CIBAR1: variants seen among roughly 807,000 people sequenced by gnomAD.
CIBAR1 encodes CBY1-interacting BAR domain-containing protein 1.
A neutral mutation model predicts 44.0 loss-of-function variants in CIBAR1; 25 were observed. That is an observed-to-expected ratio of 0.57 (90% CI 0.41 to 0.79). CIBAR1 has a LOEUF of 0.79. Ranked by LOEUF, CIBAR1 falls within the 30% of genes least tolerant of loss-of-function variation. The pLI, the probability that CIBAR1 is intolerant of heterozygous loss-of-function variation, is 0.00. For missense variants in CIBAR1, 278 were observed against 344.8 expected (o/e 0.81, Z 1.53); for synonymous variants, 115 against 119.0 (o/e 0.97, Z 0.22).
At chr8:93,716,784 A>G (rs1407458774) in intron 6 of CIBAR1, among the ~76,000 whole-genome samples, 1 of 152,194 alleles carries the variant, frequency 6.6e-6, no homozygotes, top group East Asian at 1.9e-4. Context: ...TAAACATTAA[A>G]TATTTAGCTG....
intron 7 of CIBAR1, among the ~76,000 whole-genome samples, chr8:93,722,424 C>T (rs554363100): frequency 2.6e-5 from 4 of 152,264 alleles, no homozygotes; most frequent in South Asian, 2.1e-4. Flanking sequence ...GTCAGCTGGG[C>T]GCGGTGGCTC....
chr8:93,718,552 C>A, intron 6 of CIBAR1, 123 bp from the exon 7 acceptor site: 1 of 500,094 alleles, frequency 2.0e-6, no homozygotes, highest in Non-Finnish European at 3.4e-6. Context: ...CTTTATTTAC[C>A]CTATAGAAAA....
At chr8:93,700,723 G>A (rs1810304621) in intron 1 of CIBAR1, 50 bp downstream of exon 1, 4 of 1,469,072 alleles carry the variant, frequency 2.7e-6, no homozygotes, top group Non-Finnish European at 3.6e-6. Context: ...GGAGGGCTGG[G>A]GTGAGGGAAG....
At chr8:93,714,411 A>G (rs1216898792) in intron 6 of CIBAR1, among the ~76,000 whole-genome samples, 1 of 152,192 alleles carries the variant, frequency 6.6e-6, no homozygotes, top group African/African-American at 2.4e-5. Flanking sequence ...ACAACCTACA[A>G]TTTAAATGCA....
intron 7 of CIBAR1, among the ~76,000 whole-genome samples, chr8:93,724,263 T>C (rs1268471872): frequency 2.0e-5 from 3 of 152,114 alleles, no homozygotes; most frequent in Admixed American, 2.0e-4. Flanking sequence ...AAAAGTAAGC[T>C]GTGAAGGGTA....
At chr8:93,720,402 A>G (rs1209152896) in intron 7 of CIBAR1, among the ~76,000 whole-genome samples, 1 of 152,222 alleles carries the variant, frequency 6.6e-6, no homozygotes, top group Non-Finnish European at 1.5e-5. Flanking sequence ...AAGAAAGTAC[A>G]TATTACAGTA....
chr8:93,726,656 A>G, intron 8 of CIBAR1, 143 bp downstream of exon 8: 1 of 906,998 alleles, frequency 1.1e-6, no homozygotes. Context: ...AAATGACAGA[A>G]GATTGCATTA....
intron 7 of CIBAR1, chr8:93,724,438 C>T (rs1318225170): frequency 2.2e-6 from 1 of 445,532 alleles, no homozygotes; most frequent in African/African-American, 2.0e-5. Context: ...GATCCTCCCA[C>T]CTCAGCCTCC....
chr8:93,728,342 T>C lies in CIBAR1; in HGVS notation c.*45T>C. The C allele has an allele frequency of 7.8e-7, 1 of 1,276,654 alleles. No individual in the cohort carries two copies. The highest frequency in any genetic ancestry group is 1.1e-6 in the Non-Finnish European group (1 of 900,704). 79.1% of individuals were successfully genotyped at this position (1,276,654 alleles called of 1,614,324 possible). Reference sequence around the variant, plus strand: ...ATCATAAATGACTTGAAATCCACAATGACTAAATTGTAGAACTTTATACTC... The same window carrying C: ...ATCATAAATGACTTGAAATCCACAACGACTAAATTGTAGAACTTTATACTC... On this transcript the variant is annotated 3_prime_UTR_variant, in exon 9 of 9. Transcript: ENST00000518322.
intron 2 of CIBAR1, 22 bp downstream of exon 2, chr8:93,701,480 T>C: frequency 3.1e-6 from 5 of 1,596,494 alleles, no homozygotes; most frequent in Non-Finnish European, 4.3e-6. Context: ...GATCACAGTG[T>C]CATTGTTATG....
chr8:93,729,271 CT>C lies in CIBAR1; in HGVS notation c.*975del, dbSNP rs1811691317. 1 of 152,076 alleles carries C rather than the reference CT, an allele frequency of 6.6e-6. No homozygotes were observed. Among genetic ancestry groups the C allele is most frequent in the East Asian group, 1.9e-4 (1 of 5,192 alleles). 9.4% of individuals were successfully genotyped at this position (152,076 alleles called of 1,614,324 possible). On this transcript the variant is annotated 3_prime_UTR_variant, in exon 9 of 9. Transcript: ENST00000518322. ...GCTTCTGACTTTGTCAATCATGGCT[CT>C]GTTCTTAACAAAGCACTCCTTCCTG...
At position 93,701,282 on chromosome 8, in the gene CIBAR1, G is replaced by T; in HGVS notation, c.85G>T (p.Glu29Ter). 6.2e-7 allele frequency: 1 copy of T among 1,613,816 alleles called. No homozygotes were observed. ...AVSNVEKHFGELCQIFAAYVR... is the reference protein window; with the variant it reads ...AVSNVEKHFG Reference sequence around the variant, plus strand: ...CTCAAATGTGGAGAAGCATTTTGGAGAACTGTGCCAAATCTTCGCTGCCTA... The same window carrying T: ...CTCAAATGTGGAGAAGCATTTTGGATAACTGTGCCAAATCTTCGCTGCCTA... Residue 29 changes from glutamate (E) to a stop codon, truncating the protein, a stop_gained, in exon 2 of 9, where the codon GAA becomes TAA. Transcript: ENST00000518322. LOFTEE classifies it high-confidence loss of function.
At chr8:93,714,949 A>G (rs2130339197) in intron 6 of CIBAR1, among the ~76,000 whole-genome samples, 1 of 152,322 alleles carries the variant, frequency 6.6e-6, no homozygotes, top group African/African-American at 2.4e-5. Flanking sequence ...TTATCAGGCT[A>G]CTGCTTCTGA....
chr8:93,713,604 A>G (rs188744079), intron 6 of CIBAR1, among the ~76,000 whole-genome samples: 19 of 152,302 alleles, frequency 1.2e-4, no homozygotes, highest in South Asian at 4.1e-4. Flanking sequence ...TCTCTTAACA[A>G]TTTTATAGTT....
rs139906444 is a variant in CIBAR1, at chr8:93,714,953, C to T, written c.544-3722C>T. Among the ~76,000 whole-genome samples the T allele has an allele frequency of 4.5e-3, 690 of 152,322 alleles. 9 individuals are homozygous for T. The highest frequency in any genetic ancestry group is 0.015 in the African/African-American group (638 of 41,570). On this transcript the variant is annotated intron_variant, in intron 6 of 8. Transcript: ENST00000518322. ...ATTCTTACCTGTTATCAGGCTACTG[C>T]TTCTGATAAGGGCAGAGTTTGTGGC...
intron 2 of CIBAR1, 34 bp from the exon 3 acceptor site, chr8:93,703,586 C>T (rs570670521): frequency 7.1e-6 from 9 of 1,265,806 alleles, no homozygotes; most frequent in African/African-American, 1.5e-5. Flanking sequence ...AAATGTTAAA[C>T]GTTCTAATTT....
In CIBAR1 at chr8:93,726,468, T is replaced by C. The variant is rs1338907457; in HGVS notation, c.732T>C (p.Pro244=). ...LDIVRANSKS[P]LQRSLSAKCV... is the part of the protein sequence containing the mutation. ...TTGTAAGAGCAAATTCAAAGTCACC[T>C]CTTCAGAGATCACTGTCAGCTAAGT... The change falls in exon 8 of 9, where the codon CCT becomes CCC. Residue 244 remains proline (P), a synonymous_variant. Coordinates refer to ENST00000518322, the MANE Select transcript of CIBAR1 (RefSeq NM_145269.5). The C allele has an allele frequency of 1.2e-6, 2 of 1,613,772 alleles. No homozygotes were observed. The highest frequency in any genetic ancestry group is 1.1e-5 in the South Asian group (1 of 91,076).
At chr8:93,714,086 A>C (rs1810940512) in intron 6 of CIBAR1, among the ~76,000 whole-genome samples, 2 of 152,224 alleles carry the variant, frequency 1.3e-5, no homozygotes, top group Non-Finnish European at 2.9e-5. Flanking sequence ...TAATTCTTCC[A>C]GTCCATGAAC....
In CIBAR1 at chr8:93,713,033, C is replaced by CTTTTTTTTTTT. The variant is rs149552672; in HGVS notation, c.543+3164_543+3174dup. ...TTACCCTTTTTTTCTCCTTTTTTTT[C>CTTTTTTTTTTT]TTTTTTTTTTTTTTTTCGAGACAGA... On this transcript the variant is annotated intron_variant, in intron 6 of 8. Transcript: ENST00000518322. 9.3e-5 allele frequency among the ~76,000 whole-genome samples: 12 copies of CTTTTTTTTTTT among 128,802 alleles called. 1 individual carries two copies. Among genetic ancestry groups the CTTTTTTTTTTT allele is most frequent in the East Asian group, 4.5e-4 (2 of 4,472 alleles). The allele number at this position is 128,802 out of a possible 152,430, so 84.5% of individuals were successfully genotyped here.
Sources: allele counts gnomAD v4.1 joint callset (sites outside exome capture counted in the v4.1 genomes callset), GRCh38; gene constraint gnomAD v4.1.1; transcripts MANE v1.5; gene names NCBI Gene and HGNC (gene_info 2026-07-23, HGNC 2026-07-21).